Variants in SLC30A8 observed in about 807,000 individuals in gnomAD.
SLC30A8 encodes the protein proton-coupled zinc antiporter SLC30A8.
Under a neutral mutation model 36.9 loss-of-function variants are expected in SLC30A8, and 27 were observed. The ratio of observed to expected loss-of-function variants is 0.73; its 90% confidence interval spans 0.54 to 1.01. SLC30A8 has a LOEUF of 1.01. SLC30A8 is among the 50% of genes least tolerant of loss of function. The probability of loss-of-function intolerance (pLI) is 0.00; values close to 1 mark genes in which losing one functional copy is unlikely to be tolerated. For missense variants in SLC30A8, 439 were observed against 452.0 expected (o/e 0.97, Z 0.26); for synonymous variants, 164 against 172.4 (o/e 0.95, Z 0.38).
At chr8:116,973,584 A>G (rs901849244) in intron 1 of SLC30A8, among the ~76,000 whole-genome samples, 3 of 152,244 alleles carry the variant, frequency 2.0e-5, no homozygotes, top group African/African-American at 7.2e-5. Context: ...GGGTAGGAAG[A>G]ATCAATATTG....
chr8:116,973,212 G>A (rs1279981561), intron 1 of SLC30A8, among the ~76,000 whole-genome samples: 12 of 152,150 alleles, frequency 7.9e-5, no homozygotes, highest in Admixed American at 5.9e-4. Flanking sequence ...GGAAATAAAT[G>A]TATGGTTTTT....
intron 2 of SLC30A8, among the ~76,000 whole-genome samples, chr8:117,124,209 G>A (rs1197756417): frequency 6.6e-6 from 1 of 151,928 alleles, no homozygotes; most frequent in Non-Finnish European, 1.5e-5. Flanking sequence ...GTAAAAACTG[G>A]TCTAGGGAGA....
chr8:117,112,536 A>G (rs1179746057), intron 2 of SLC30A8, among the ~76,000 whole-genome samples: 1 of 152,132 alleles, frequency 6.6e-6, no homozygotes, highest in African/African-American at 2.4e-5. Context: ...CTCTAATTTC[A>G]GCTCTGCCGG....
chr8:117,169,214 G>T (rs1823234496), intron 6 of SLC30A8, among the ~76,000 whole-genome samples: 1 of 152,116 alleles, frequency 6.6e-6, no homozygotes, highest in Non-Finnish European at 1.5e-5. Context: ...TATGAGGTAG[G>T]ATCAAAAACT....
chr8:117,083,055 C>T (rs1487341131), intron 2 of SLC30A8, among the ~76,000 whole-genome samples: 1 of 152,278 alleles, frequency 6.6e-6, no homozygotes, highest in East Asian at 1.9e-4. Flanking sequence ...GACATCTCTT[C>T]TCCATTGTGG....
At chr8:117,096,982 G>A (rs1235611912) in intron 2 of SLC30A8, among the ~76,000 whole-genome samples, 1 of 152,076 alleles carries the variant, frequency 6.6e-6, no homozygotes, top group East Asian at 1.9e-4. Flanking sequence ...TCTTTAAGAA[G>A]CTTATATTCT....
chr8:117,132,497 C>A (rs1276583699), upstream of SLC30A8, among the ~76,000 whole-genome samples: 1 of 151,940 alleles, frequency 6.6e-6, no homozygotes, highest in African/African-American at 2.4e-5. Flanking sequence ...AGAAGACAAC[C>A]TGTAATTCGG....
rs760052005 is a variant in SLC30A8, at chr8:117,172,636, T to C, written c.1065T>C (p.Val355=). Residue 355 remains valine (V), a synonymous_variant, in exon 8 of 8, where the codon GTT becomes GTC. Coordinates refer to ENST00000456015, the MANE Select transcript of SLC30A8 (RefSeq NM_173851.3). ...HSLTIQMESP[V]DQDPDCLFCE... ...TCACCATTCAGATGGAATCTCCAGT[T>C]GACCAGGACCCCGACTGCCTTTTCT... The C allele has an allele frequency of 1.9e-6, 3 of 1,613,746 alleles. No homozygotes were observed. The Admixed American group carries it at 5.0e-5, about 27-fold the overall frequency.
chr8:117,121,256 G>A (rs1283000974), intron 2 of SLC30A8, among the ~76,000 whole-genome samples: 1 of 151,892 alleles, frequency 6.6e-6, no homozygotes, highest in African/African-American at 2.4e-5. Context: ...TTCATTAATG[G>A]ATGAATGGAT....
At chr8:117,009,368 A>G (rs1428988185) in intron 1 of SLC30A8, among the ~76,000 whole-genome samples, 2 of 152,220 alleles carry the variant, frequency 1.3e-5, no homozygotes, top group Non-Finnish European at 2.9e-5. Flanking sequence ...AGAAAAAAAG[A>G]CTATTTTCTG....
intron 1 of SLC30A8, among the ~76,000 whole-genome samples, chr8:117,001,953 G>T (rs1355945104): frequency 6.6e-6 from 1 of 152,082 alleles, no homozygotes; most frequent in African/African-American, 2.4e-5. Context: ...AATGGTTTTA[G>T]GTCCTAGTGC....
chr8:117,044,818 G>T (rs1230587176), intron 2 of SLC30A8, among the ~76,000 whole-genome samples: 1 of 152,226 alleles, frequency 6.6e-6, no homozygotes, highest in Non-Finnish European at 1.5e-5. Flanking sequence ...AGATCCTCCT[G>T]GGCGGTGGGG....
At chr8:117,171,706 T>G (rs527901390) in intron 7 of SLC30A8, among the ~76,000 whole-genome samples, 1 of 152,292 alleles carries the variant, frequency 6.6e-6, no homozygotes, top group South Asian at 2.1e-4. Flanking sequence ...ATACTAGGTT[T>G]ATACTAAAAT....
Position 117,111,087 on chromosome 8 carries a change from C to T in SLC30A8, c.-225-24193C>T, listed in dbSNP as rs143592190. Among the ~76,000 whole-genome samples, 41 of 152,214 alleles carry T rather than the reference C, an allele frequency of 2.7e-4. No homozygotes were observed. In the East Asian group the frequency reaches 7.5e-3, roughly 28 times the overall value. ...CTACCTAACTTTGAGCCTCAGGTGT[C>T]TCAGCTACAAATGAAATTGTGATAA... On this transcript the variant is annotated intron_variant, in intron 2 of 10. Transcript: ENST00000427715.
rs139489847 is a variant in SLC30A8, at chr8:117,171,090, G to C, written c.886G>C (p.Gly296Arg). ...GVKELILAVD[G>R]VLSVHSLHIW... The stretch of plus-strand genomic sequence containing the variant: ...GAAAGAGCTTATTTTAGCAGTCGAC[G>C]GGGTGCTGTCTGTGCACAGCCTGCA... The change falls in exon 7 of 8, where the codon GGG (glycine) becomes CGG (arginine). Residue 296 changes from glycine to arginine, a missense_variant. By Grantham distance (125) the Gly-to-Arg change is moderately radical. Transcript: ENST00000456015. 6.2e-7 allele frequency: 1 copy of C among 1,612,360 alleles called. No individual in the cohort carries two copies. Among genetic ancestry groups the C allele is most frequent in the South Asian group, 1.1e-5 (1 of 90,876 alleles).
intron 2 of SLC30A8, among the ~76,000 whole-genome samples, chr8:117,040,202 T>C (rs1182054865): frequency 1.1e-4 from 16 of 152,222 alleles, no homozygotes; most frequent in Non-Finnish European, 5.9e-5. Flanking sequence ...TATCTTCTCA[T>C]ACAAGAGAAG....
At chr8:117,133,364 A>G (rs1212776626), upstream of SLC30A8, among the ~76,000 whole-genome samples, 1 of 152,026 alleles carries the variant, frequency 6.6e-6, no homozygotes, top group Non-Finnish European at 1.5e-5. Flanking sequence ...CCTGGCATGT[A>G]TCCTTCACAC....
intron 2 of SLC30A8, among the ~76,000 whole-genome samples, chr8:117,127,064 C>A (rs187634316): frequency 6.6e-6 from 1 of 152,140 alleles, no homozygotes; most frequent in African/African-American, 2.4e-5. Flanking sequence ...TCATTACACA[C>A]CATACTGCTT....
chr8:117,108,759 A>G (rs906929104), intron 2 of SLC30A8, among the ~76,000 whole-genome samples: 1 of 152,174 alleles, frequency 6.6e-6, no homozygotes, highest in South Asian at 2.1e-4. Flanking sequence ...ATAAACCAAT[A>G]TTCATGACAC....
Sources: allele counts gnomAD v4.1 joint callset (sites outside exome capture counted in the v4.1 genomes callset), GRCh38; gene constraint gnomAD v4.1.1; transcripts MANE v1.5; gene names NCBI Gene and HGNC (gene_info 2026-07-23, HGNC 2026-07-21).